The following GATA4 variants were observed in gnomAD, a reference collection of about 807,000 sequenced individuals.
GATA4 encodes GATA binding protein 4, also known as transcription factor GATA-4.
In GATA4, 7 loss-of-function variants were observed where a neutral mutation model predicts 37.9. That is an observed-to-expected ratio of 0.18 (90% CI 0.11 to 0.35). GATA4 has a LOEUF of 0.35. Ranked by LOEUF, GATA4 falls within the 10% of genes least tolerant of loss-of-function variation. The pLI, the probability that GATA4 is intolerant of heterozygous loss-of-function variation, is 1.00. For synonymous variants in GATA4, 372 were observed against 292.6 expected (o/e 1.27, Z -2.77); for missense variants, 647 against 653.0 (o/e 0.99, Z 0.10).
In GATA4 at chr8:11,708,829, T is replaced by A; in HGVS notation, c.517T>A (p.Trp173Arg). Residue 173 changes from tryptophan (W) to arginine (R), a missense_variant, in exon 2 of 7, where the codon TGG becomes AGG. Transcript: ENST00000532059. The surrounding 1 kb of genome is among the most constrained non-coding windows in gnomAD (Gnocchi z 6.7). ...PAYMADVGAS[W>R]AAAAAASAGP... is the part of the protein sequence containing the mutation. Reference sequence around the variant, plus strand: ...TTACATGGCCGACGTGGGCGCGTCCTGGGCCGCAGCCGCCGCCGCCTCCGC... The same window carrying A: ...TTACATGGCCGACGTGGGCGCGTCCAGGGCCGCAGCCGCCGCCGCCTCCGC... The A allele has an allele frequency of 1.3e-6, 2 of 1,494,200 alleles. No homozygotes were observed. The highest frequency in any genetic ancestry group is 2.9e-5 in the African/African-American group (2 of 68,420). The allele number at this position is 1,494,200 out of a possible 1,614,324, so 92.6% of individuals were successfully genotyped here. A position where few individuals can be genotyped will look rare whatever the true frequency, so the allele number is the denominator to read the frequency against.
chr8:11,717,207 G>A (rs1038253331), intron 2 of GATA4, among the ~76,000 whole-genome samples: 2 of 152,194 alleles, frequency 1.3e-5, no homozygotes, highest in African/African-American at 2.4e-5. Context: ...AGAAGGCAGG[G>A]AAGAAAATAT....
At chr8:11,698,123 C>T in intron 1 of GATA4, 1 of 531,900 alleles carries the variant, frequency 1.9e-6, no homozygotes, top group Non-Finnish European at 2.4e-6. Context: ...TGGCCTCTCT[C>T]TGCGTCGCCA....
chr8:11,683,686 C>G (rs1799049796), intron 1 of GATA4, among the ~76,000 whole-genome samples: 1 of 152,202 alleles, frequency 6.6e-6, no homozygotes, highest in Non-Finnish European at 1.5e-5. Context: ...GGGCGGGACC[C>G]TAAATCAACT....
chr8:11,693,556 C>CAGAGAGAGAGAG (rs1240189470), intron 1 of GATA4, among the ~76,000 whole-genome samples: 7 of 103,682 alleles, frequency 6.8e-5, no homozygotes, highest in African/African-American at 2.3e-4. Context: ...CACACACACA[C>CAGAGAGAGAGAG]ACACACAGAG....
chr8:11,757,394 C>G (rs771522495), intron 6 of GATA4, among the ~76,000 whole-genome samples: 9 of 152,220 alleles, frequency 5.9e-5, no homozygotes, highest in Non-Finnish European at 8.8e-5. Context: ...GAGGGGAGTC[C>G]AGGGCTGGCA....
chr8:11,720,028 G>A (rs1479171593), intron 2 of GATA4, among the ~76,000 whole-genome samples: 1 of 152,022 alleles, frequency 6.6e-6, no homozygotes, highest in Non-Finnish European at 1.5e-5. Flanking sequence ...TTGAAAAGGG[G>A]TGACCCAAGA....
chr8:11,711,179 G>T (rs1373404530), intron 2 of GATA4, among the ~76,000 whole-genome samples: 3 of 152,244 alleles, frequency 2.0e-5, no homozygotes, highest in African/African-American at 7.2e-5. Flanking sequence ...GCCATGCCAT[G>T]TAGAGGTTGC....
intron 2 of GATA4, among the ~76,000 whole-genome samples, chr8:11,721,748 A>G (rs1800687968): frequency 6.6e-6 from 1 of 152,208 alleles, no homozygotes; most frequent in Non-Finnish European, 1.5e-5. Flanking sequence ...AAGGTCAAGC[A>G]TCTTGTAATT....
At chr8:11,720,789 T>A (rs755968625) in intron 2 of GATA4, among the ~76,000 whole-genome samples, 12 of 152,142 alleles carry the variant, frequency 7.9e-5, no homozygotes, top group East Asian at 5.8e-4. Context: ...GTTTTTTTTT[T>A]ATACGGCTGC....
intron 2 of GATA4, among the ~76,000 whole-genome samples, chr8:11,719,204 C>CT (rs59334847): frequency 9.3e-4 from 133 of 142,552 alleles, no homozygotes; most frequent in South Asian, 1.3e-3. Flanking sequence ...TGGGGGAGTC[C>CT]TTTTTTTTTT....
chr8:11,708,656 G>A lies in GATA4; in HGVS notation c.344G>A (p.Gly115Glu), dbSNP rs1563200184. Reference sequence around the variant, plus strand: ...CGCTTCTCCTTCCCGGGGACCACCGGGTCCCTGGCGGCCGCCGCCGCCGCT... The same window carrying A: ...CGCTTCTCCTTCCCGGGGACCACCGAGTCCCTGGCGGCCGCCGCCGCCGCT... The part of the protein sequence containing the change: ...SPRFSFPGTT[G>E]SLAAAAAAAA... The change falls in exon 2 of 7, where the codon GGG becomes GAG. Residue 115 changes from glycine to glutamate, a missense_variant. Gly to Glu is a moderately conservative substitution (Grantham distance 98). Coordinates refer to ENST00000532059, the MANE Select transcript of GATA4 (RefSeq NM_001308093.3). This position sits in a 1 kb window ranked among gnomAD's most constrained non-coding sequence, Gnocchi z 6.7. The A allele has an allele frequency of 7.7e-7, 1 of 1,306,972 alleles. No individual in the cohort carries two copies. 81.0% of individuals were successfully genotyped at this position (1,306,972 alleles called of 1,614,324 possible). A position where few individuals can be genotyped will look rare whatever the true frequency, so the allele number is the denominator to read the frequency against.
intron 1 of GATA4, among the ~76,000 whole-genome samples, chr8:11,706,583 A>G (rs1041538405): frequency 6.6e-6 from 1 of 152,348 alleles, no homozygotes; most frequent in East Asian, 1.9e-4. Flanking sequence ...TAATTTGTCT[A>G]AAGGTGTTTA....
chr8:11,737,052 A>T (rs1017970462), intron 2 of GATA4, among the ~76,000 whole-genome samples: 1 of 152,000 alleles, frequency 6.6e-6, no homozygotes, highest in African/African-American at 2.4e-5. Flanking sequence ...AAAAGCTTTC[A>T]GGGTAGCAGG....
chr8:11,734,930 G>A (rs1338707668), intron 2 of GATA4, among the ~76,000 whole-genome samples: 1 of 152,176 alleles, frequency 6.6e-6, no homozygotes, highest in African/African-American at 2.4e-5. Flanking sequence ...ATTCACAGAC[G>A]TTTAGTCCAT....
At chr8:11,700,078 AAGGTGAGGG>A (rs1799624175), upstream of GATA4, among the ~76,000 whole-genome samples, 1 of 152,188 alleles carries the variant, frequency 6.6e-6, no homozygotes, top group African/African-American at 2.4e-5. Context: ...GCTGGTTTCT[AAGGTGAGGG>A]CGATAACACC....
chr8:11,679,856 G>A (rs1798898149), intron 1 of GATA4, among the ~76,000 whole-genome samples: 1 of 152,228 alleles, frequency 6.6e-6, no homozygotes, highest in African/African-American at 2.4e-5. Context: ...TCCCTAAGAG[G>A]GGAAAATGAG....
chr8:11,743,708 G>A (rs537814652), intron 2 of GATA4, among the ~76,000 whole-genome samples: 1 of 152,234 alleles, frequency 6.6e-6, no homozygotes, highest in Non-Finnish European at 1.5e-5. Flanking sequence ...AGAGGTCGGT[G>A]TCTTTGCCTC....
At chr8:11,756,263 A>G (rs17153767) in intron 5 of GATA4, among the ~76,000 whole-genome samples, 2,127 of 152,276 alleles carry the variant, frequency 0.014, 20 homozygotes, top group Non-Finnish European at 0.024. Context: ...GCTTTTGTAC[A>G]TTCAACCATG....
At chr8:11,694,722 C>G (rs1174334132) in intron 1 of GATA4, among the ~76,000 whole-genome samples, 2 of 152,150 alleles carry the variant, frequency 1.3e-5, no homozygotes, top group Non-Finnish European at 2.9e-5. Flanking sequence ...AAATCAGTGA[C>G]CAGTGGGTGT....
Sources: allele counts gnomAD v4.1 joint callset (sites outside exome capture counted in the v4.1 genomes callset), GRCh38; gene constraint gnomAD v4.1.1; non-coding constraint Gnocchi (gnomAD v3.1); transcripts MANE v1.5; gene names NCBI Gene and HGNC (gene_info 2026-07-23, HGNC 2026-07-21).